Variants in DNAJB4 observed in about 807,000 individuals in gnomAD.
DNAJB4 encodes the protein dnaJ homolog subfamily B member 4.
In DNAJB4, 10 loss-of-function variants were observed where a neutral mutation model predicts 26.6. That is an observed-to-expected ratio of 0.38 (90% CI 0.23 to 0.64). The LOEUF (loss-of-function observed/expected upper bound fraction) is 0.64, where lower values mean the gene tolerates loss of function less well. DNAJB4 is among the 30% of genes least tolerant of loss of function. DNAJB4 has a pLI of 0.58. For synonymous variants in DNAJB4, 136 were observed against 134.8 expected (o/e 1.01, Z -0.06); for missense variants, 328 against 408.2 (o/e 0.80, Z 1.69).
chr1:78,002,560 G>C (rs1482459951), upstream of DNAJB4, among the ~76,000 whole-genome samples: 1 of 152,114 alleles, frequency 6.6e-6, no homozygotes, highest in African/African-American at 2.4e-5. Flanking sequence ...AATTCCAGGT[G>C]TGGTATTTAT....
At chr1:78,014,916 T>C (rs1660594092) in intron 2 of DNAJB4, among the ~76,000 whole-genome samples, 1 of 152,160 alleles carries the variant, frequency 6.6e-6, no homozygotes, top group Non-Finnish European at 1.5e-5. Context: ...TGCTCTATTA[T>C]TATCTTGTAT....
intron 1 of DNAJB4, among the ~76,000 whole-genome samples, chr1:78,012,154 CTTTTCTTT>C (rs1319244979): frequency 1.0e-4 from 7 of 69,342 alleles, no homozygotes; most frequent in South Asian, 1.1e-3. Context: ...TTTTTCTTTT[CTTTTCTTT>C]TTTTTTTTTT....
rs187006674 is a variant in DNAJB4, at chr1:78,014,612, T to A, written c.780+993T>A. On this transcript the variant is annotated intron_variant, in intron 2 of 2. Coordinates refer to ENST00000370763, the MANE Select transcript of DNAJB4 (RefSeq NM_007034.5). Reference sequence around the variant, plus strand: ...TTGCTCTATTATTATTATTATTATTTTTTTGAGATGGAGTCTCGCTCTGTC... The same window carrying A: ...TTGCTCTATTATTATTATTATTATTATTTTGAGATGGAGTCTCGCTCTGTC... Among the ~76,000 whole-genome samples, 1,372 of 152,138 alleles carry A rather than the reference T, an allele frequency of 9.0e-3. 9 individuals are homozygous for A. The highest frequency in any genetic ancestry group is 0.013 in the Non-Finnish European group (869 of 67,992).
chr1:78,005,067 T>G lies in DNAJB4; in HGVS notation c.-44T>G. 2.5e-6 allele frequency: 4 copies of G among 1,583,446 alleles called. No individual in the cohort carries two copies. The highest frequency in any genetic ancestry group is 3.4e-6 in the Non-Finnish European group (4 of 1,163,072). ...TGTTGCTAAGACTGGGGACGCTGTTTTCTTTTACAAAGGGAAATCTAAGTT... is the reference window on the plus strand; with the variant it reads ...TGTTGCTAAGACTGGGGACGCTGTTGTCTTTTACAAAGGGAAATCTAAGTT... On this transcript the variant is annotated 5_prime_UTR_variant, in exon 1 of 3. Coordinates refer to ENST00000370763, the MANE Select transcript of DNAJB4 (RefSeq NM_007034.5).
chr1:77,986,531 A>G (rs1274013212), intron 1 of DNAJB4, among the ~76,000 whole-genome samples: 1 of 151,794 alleles, frequency 6.6e-6, no homozygotes, highest in Non-Finnish European at 1.5e-5. Context: ...GTAATTCTCA[A>G]CTCCCACTCC....
At position 78,017,159 on chromosome 1, in the gene DNAJB4, G is replaced by A. The variant is rs1289709086; in HGVS notation, c.*912G>A. 5.3e-5 allele frequency: 8 copies of A among 151,884 alleles called. No individual in the cohort carries two copies. 9.4% of individuals were successfully genotyped at this position (151,884 alleles called of 1,614,324 possible). ...AAAGAATGAACTACCACTACACTATGGTGTTAAACCAAAATATAGGGAAAA... is the reference window on the plus strand; with the variant it reads ...AAAGAATGAACTACCACTACACTATAGTGTTAAACCAAAATATAGGGAAAA... On this transcript the variant is annotated 3_prime_UTR_variant, in exon 3 of 3. Transcript: ENST00000370763.
chr1:77,992,035 A>G (rs910880961), intron 1 of DNAJB4, among the ~76,000 whole-genome samples: 1 of 152,210 alleles, frequency 6.6e-6, no homozygotes, highest in African/African-American at 2.4e-5. Flanking sequence ...GTGATTCACT[A>G]TTCTCTAATT....
Position 77,980,323 on chromosome 1 carries a change from G to GTATATATATA in DNAJB4, c.-32+9_-32+18dup, listed in dbSNP as rs747704137. ...TTCTGAATTGTCATCACAGGACTAG[G>GTATATATATA]TATATATATATATATATGTGTGTGT... On this transcript the variant is annotated splice_donor_variant, in intron 1 of 2. Coordinates refer to the DNAJB4 transcript ENST00000426517. LOFTEE classifies it low-confidence loss of function (5UTR_SPLICE). 1.6e-4 allele frequency: 22 copies of GTATATATATA among 141,236 alleles called. No homozygotes were observed. The highest frequency in any genetic ancestry group is 5.7e-4 in the African/African-American group (21 of 37,066). 8.7% of individuals were successfully genotyped at this position (141,236 alleles called of 1,614,324 possible). A position where few individuals can be genotyped will look rare whatever the true frequency, so the allele number is the denominator to read the frequency against.
At chr1:78,005,427 T>A in intron 1 of DNAJB4, 106 bp downstream of exon 1, 8 of 957,478 alleles carry the variant, frequency 8.4e-6, no homozygotes, top group South Asian at 1.8e-5. Flanking sequence ...GTTAAGGTTA[T>A]CCTTAAATTG....
At chr1:78,012,917 T>A in intron 1 of DNAJB4, 134 bp from the exon 2 acceptor site, 3 of 653,312 alleles carry the variant, frequency 4.6e-6, no homozygotes, top group Non-Finnish European at 7.5e-6. Context: ...CTGTATTTAG[T>A]AAAGTGGCAT....
In DNAJB4 at chr1:78,015,132, T is replaced by C. The variant is rs1660600482; in HGVS notation, c.781-882T>C. Among the ~76,000 whole-genome samples the C allele has an allele frequency of 2.0e-5, 3 of 152,378 alleles. No individual in the cohort carries two copies. In the South Asian group the frequency reaches 6.2e-4, roughly 32 times the overall value. ...AATGGCTAGTTTGCTTCTATGTTTC[T>C]GTGAGTTCCTTGTGCATTCCTTGAG... On this transcript the variant is annotated intron_variant, in intron 2 of 2. Coordinates refer to ENST00000370763, the MANE Select transcript of DNAJB4 (RefSeq NM_007034.5).
At chr1:77,991,405 T>C (rs1264313930) in intron 1 of DNAJB4, among the ~76,000 whole-genome samples, 3 of 152,172 alleles carry the variant, frequency 2.0e-5, no homozygotes, top group Non-Finnish European at 4.4e-5. Flanking sequence ...TTGAAATGCT[T>C]TCAAGGTCAT....
At chr1:77,984,856 G>A (rs774259821) in intron 1 of DNAJB4, among the ~76,000 whole-genome samples, 8 of 152,188 alleles carry the variant, frequency 5.3e-5, no homozygotes, top group Non-Finnish European at 7.4e-5. Flanking sequence ...ATCAGTCTTG[G>A]AAAGACCTTG....
chr1:77,990,336 A>G (rs192541279), intron 1 of DNAJB4, among the ~76,000 whole-genome samples: 1 of 152,220 alleles, frequency 6.6e-6, no homozygotes, highest in Admixed American at 6.5e-5. Context: ...ATAAAATATC[A>G]CTTGCATTAG....
intron 1 of DNAJB4, among the ~76,000 whole-genome samples, chr1:78,010,169 T>A (rs1478944498): frequency 1.3e-5 from 2 of 152,168 alleles, no homozygotes; most frequent in Non-Finnish European, 2.9e-5. Flanking sequence ...TAAAACATTA[T>A]TCTTTCTTTT....
Position 78,013,535 on chromosome 1 carries a change from T to C in DNAJB4, c.696T>C (p.Val232=), listed in dbSNP as rs750533869. 6.2e-7 allele frequency: 1 copy of C among 1,613,382 alleles called. No individual in the cohort carries two copies. Among genetic ancestry groups the C allele is most frequent in the Non-Finnish European group, 8.5e-7 (1 of 1,179,902 alleles). ...CAAATAGTATTCCAGCAGACATTGTTTTTATCATTAAAGACAAAGATCATC... is the reference window on the plus strand; with the variant it reads ...CAAATAGTATTCCAGCAGACATTGTCTTTATCATTAAAGACAAAGATCATC... ...ETPNSIPADI[V]FIIKDKDHPK... is the part of the protein sequence containing the mutation. The change falls in exon 2 of 3, where the codon GTT becomes GTC. Residue 232 remains valine (V), a synonymous_variant. Transcript: ENST00000370763.
At chr1:78,014,267 C>T (rs1423955142) in intron 2 of DNAJB4, among the ~76,000 whole-genome samples, 1 of 152,008 alleles carries the variant, frequency 6.6e-6, no homozygotes, top group Non-Finnish European at 1.5e-5. Context: ...CCCACCACAC[C>T]TGGCTAATTT....
intron 1 of DNAJB4, among the ~76,000 whole-genome samples, chr1:77,987,148 AG>A (rs1659810498): frequency 6.6e-6 from 1 of 152,180 alleles, no homozygotes; most frequent in African/African-American, 2.4e-5. Context: ...TCCTAGTAAT[AG>A]TTATTCTTAC....
intron 1 of DNAJB4, among the ~76,000 whole-genome samples, chr1:77,997,638 TCTTGA>T (rs1189008227): frequency 6.6e-6 from 1 of 152,178 alleles, no homozygotes; most frequent in African/African-American, 2.4e-5. Context: ...CTCTTTTGCT[TCTTGA>T]CTTAGTGTTC....
Sources: gnomAD v4.1 joint callset for allele counts (sites outside exome capture counted in the v4.1 genomes callset) on GRCh38, gnomAD v4.1.1 for gene constraint, MANE v1.5 for transcripts, NCBI Gene and HGNC (gene_info 2026-07-23, HGNC 2026-07-21) for gene names.